Variants in ZCCHC10 observed in about 807,000 individuals in gnomAD.
ZCCHC10 encodes the protein zinc finger CCHC domain-containing protein 10.
Under a neutral mutation model 19.5 loss-of-function variants are expected in ZCCHC10, and 16 were observed. The observed-to-expected ratio is 0.82, with a 90% CI of 0.56 to 1.25. The LOEUF is 1.25. Ranked by LOEUF, ZCCHC10 falls within the 50% of genes most tolerant of loss-of-function variation. ZCCHC10 has a pLI of 0.00. For synonymous variants in ZCCHC10, 67 were observed against 72.5 expected (o/e 0.92, Z 0.38); for missense variants, 197 against 201.0 (o/e 0.98, Z 0.12).
intron 2 of ZCCHC10, among the ~76,000 whole-genome samples, chr5:133,007,245 A>G (rs1763179134): frequency 6.6e-6 from 1 of 152,094 alleles, no homozygotes; most frequent in African/African-American, 2.4e-5. Flanking sequence ...TGATGGTTTT[A>G]AAAATAGGAG....
chr5:133,007,677 G>A (rs544031615), intron 2 of ZCCHC10, among the ~76,000 whole-genome samples: 65 of 152,226 alleles, frequency 4.3e-4, no homozygotes, highest in Middle Eastern at 3.4e-3. Context: ...CCCCAGACAT[G>A]CTGAACTGTG....
rs548185020 is a variant in ZCCHC10, at chr5:133,026,369, G to A, written c.41+128C>T. 5.7e-5 allele frequency: 77 copies of A among 1,352,224 alleles called. No individual in the cohort carries two copies. In the African/African-American group the frequency reaches 7.3e-4, roughly 13 times the overall value. 83.8% of individuals were successfully genotyped at this position (1,352,224 alleles called of 1,614,324 possible). ...CTTATCGCCCGGGCCCGAGCCCCCC[G>A]GGAGCCAGAAGAGTGTTTGAGAAAC... On this transcript the variant is annotated intron_variant, in intron 1 of 4. Transcript: ENST00000509437.
At chr5:133,016,118 A>T (rs1388475247) in intron 2 of ZCCHC10, among the ~76,000 whole-genome samples, 2 of 152,174 alleles carry the variant, frequency 1.3e-5, no homozygotes, top group Non-Finnish European at 2.9e-5. Flanking sequence ...ACAAAAAAAT[A>T]TAGGCTCAGT....
At chr5:133,025,503 C>CAAAAAAAAAAA (rs74843776) in intron 1 of ZCCHC10, among the ~76,000 whole-genome samples, 2 of 18,680 alleles carry the variant, frequency 1.1e-4, no homozygotes, top group African/African-American at 2.8e-4. Flanking sequence ...GACTCCGCCT[C>CAAAAAAAAAAA]AAAAAAAAAA....
intron 3 of ZCCHC10, among the ~76,000 whole-genome samples, chr5:133,002,824 A>G (rs763047029): frequency 6.8e-6 from 1 of 147,886 alleles, no homozygotes; most frequent in Non-Finnish European, 1.5e-5. Flanking sequence ...GGTTCAAGCA[A>G]TTTTCCTGTC....
At chr5:133,009,266 G>A (rs929754404) in intron 2 of ZCCHC10, among the ~76,000 whole-genome samples, 1 of 151,902 alleles carries the variant, frequency 6.6e-6, no homozygotes, top group Admixed American at 6.6e-5. Flanking sequence ...GCCTCCCAAA[G>A]TGCTGGGATT....
intron 3 of ZCCHC10, among the ~76,000 whole-genome samples, chr5:133,000,986 T>C (rs970389340): frequency 1.3e-5 from 2 of 151,894 alleles, no homozygotes; most frequent in African/African-American, 4.8e-5. Context: ...ACTTCAAAAC[T>C]ATGCTCACTC....
At chr5:133,004,251 C>T (rs1762961027) in intron 3 of ZCCHC10, among the ~76,000 whole-genome samples, 1 of 151,236 alleles carries the variant, frequency 6.6e-6, no homozygotes. Context: ...CTCGGCTCAC[C>T]ACAACCTCCG....
intron 2 of ZCCHC10, among the ~76,000 whole-genome samples, chr5:133,014,515 C>T (rs375508110): frequency 1.1e-4 from 17 of 152,268 alleles, no homozygotes; most frequent in East Asian, 5.8e-4. Context: ...CTTAACGTCC[C>T]GTATAGCAAA....
At chr5:133,017,740 AG>A (rs1252978352) in intron 2 of ZCCHC10, among the ~76,000 whole-genome samples, 1 of 152,218 alleles carries the variant, frequency 6.6e-6, no homozygotes, top group Non-Finnish European at 1.5e-5. Flanking sequence ...TACAGAATAC[AG>A]AGGAATACTT....
intron 2 of ZCCHC10, among the ~76,000 whole-genome samples, chr5:133,009,613 C>CAAAAAAAAA (rs59555378): frequency 2.1e-3 from 119 of 55,454 alleles, no homozygotes; most frequent in Non-Finnish European, 3.4e-3. Context: ...GACTCCGTCT[C>CAAAAAAAAA]AAAAAAAAAA....
intron 3 of ZCCHC10, among the ~76,000 whole-genome samples, chr5:133,002,573 C>T (rs1762843632): frequency 6.6e-6 from 1 of 151,908 alleles, no homozygotes; most frequent in Non-Finnish European, 1.5e-5. Context: ...GCTTACATTC[C>T]TAATAAAATA....
chr5:133,016,443 C>A (rs530720138), intron 2 of ZCCHC10, among the ~76,000 whole-genome samples: 21 of 152,122 alleles, frequency 1.4e-4, no homozygotes, highest in Non-Finnish European at 1.5e-4. Context: ...ATTTATTTTT[C>A]TCTTTTTTTT....
At chr5:133,022,161 A>C (rs780977945) in intron 2 of ZCCHC10, among the ~76,000 whole-genome samples, 24 of 152,170 alleles carry the variant, frequency 1.6e-4, no homozygotes, top group South Asian at 6.2e-4. Context: ...ACACACAAAC[A>C]CATTTATAGC....
chr5:133,025,525 A>AAAG (rs1554085682), intron 1 of ZCCHC10, among the ~76,000 whole-genome samples: 2,057 of 124,794 alleles, frequency 0.016, 121 homozygotes, highest in Middle Eastern at 0.035. Context: ...AAAAAAAAAA[A>AAAG]AAAAAAAAGA....
chr5:133,012,339 A>G (rs1377252918), intron 2 of ZCCHC10, among the ~76,000 whole-genome samples: 1 of 146,844 alleles, frequency 6.8e-6, no homozygotes, highest in African/African-American at 2.5e-5. Flanking sequence ...GTGGTGGTGC[A>G]TGCCTGTAAT....
chr5:133,016,116 A>T (rs1166295837), intron 2 of ZCCHC10, among the ~76,000 whole-genome samples: 2 of 152,182 alleles, frequency 1.3e-5, no homozygotes, highest in Non-Finnish European at 2.9e-5. Context: ...CAACAAAAAA[A>T]TATAGGCTCA....
intron 3 of ZCCHC10, 87 bp from the exon 4 acceptor site, chr5:133,000,260 T>C (rs1463705246): frequency 2.8e-6 from 4 of 1,422,792 alleles, no homozygotes; most frequent in Non-Finnish European, 1.9e-6. Flanking sequence ...CCCCAAATCA[T>C]TTTACTCTGG....
intron 1 of ZCCHC10, 76 bp downstream of exon 1, chr5:133,026,421 G>T (rs1764720060): frequency 6.4e-7 from 1 of 1,571,846 alleles, no homozygotes; most frequent in Non-Finnish European, 8.7e-7. Context: ...TCCCAATAGG[G>T]GTCCGACACC....
Sources: gnomAD v4.1 joint callset for allele counts (sites outside exome capture counted in the v4.1 genomes callset) on GRCh38, gnomAD v4.1.1 for gene constraint, MANE v1.5 for transcripts, NCBI Gene and HGNC (gene_info 2026-07-23, HGNC 2026-07-21) for gene names.